SAMMSON: variants seen among roughly 807,000 people sequenced by gnomAD.
The protein encoded by SAMMSON is survival associated mitochondrial melanoma specific oncogenic non-coding RNA, also known as long intergenic non-protein coding RNA 1212.
intron 4 of SAMMSON, among the ~76,000 whole-genome samples, chr3:70,166,348 T>G (rs909558401): frequency 2.6e-5 from 4 of 152,042 alleles, no homozygotes; most frequent in African/African-American, 9.7e-5. Context: ...GCTTGCCTTC[T>G]CTAGGTTGAA....
chr3:70,049,483 C>T (rs572598387), intron 3 of SAMMSON, among the ~76,000 whole-genome samples: 3 of 152,246 alleles, frequency 2.0e-5, no homozygotes, highest in Admixed American at 2.0e-4. Context: ...TCAAACCTTG[C>T]CATTGCCATT....
intron 4 of SAMMSON, chr3:70,204,466 C>A (rs1701271925): frequency 6.6e-6 from 1 of 152,100 alleles, no homozygotes; most frequent in Admixed American, 6.6e-5. Flanking sequence ...GGCTTCTTTT[C>A]CTTTCTCTTT....
chr3:70,074,418 ATAGAG>A (rs1172177575), intron 4 of SAMMSON, among the ~76,000 whole-genome samples: 2 of 152,090 alleles, frequency 1.3e-5, no homozygotes, highest in East Asian at 1.9e-4. Flanking sequence ...ATGCACCCAT[ATAGAG>A]TAATGTGATA....
At chr3:70,187,585 A>G (rs930828857) in intron 4 of SAMMSON, among the ~76,000 whole-genome samples, 2 of 151,156 alleles carry the variant, frequency 1.3e-5, no homozygotes, top group East Asian at 3.9e-4. Flanking sequence ...CTACAGGCAC[A>G]CGCCACCATG....
intron 3 of SAMMSON, among the ~76,000 whole-genome samples, chr3:70,016,281 T>G (rs540585765): frequency 6.6e-6 from 1 of 152,078 alleles, no homozygotes; most frequent in Admixed American, 6.5e-5. Context: ...TGGAATCTCA[T>G]TGTGGTTTTG....
chr3:70,072,218 C>T (rs781284650), intron 4 of SAMMSON: 9 of 151,846 alleles, frequency 5.9e-5, no homozygotes, highest in Non-Finnish European at 8.8e-5. Context: ...TTTACTGAAA[C>T]TCCAAATCGA....
At chr3:70,260,297 C>T (rs908818364) in intron 6 of SAMMSON, among the ~76,000 whole-genome samples, 7 of 152,112 alleles carry the variant, frequency 4.6e-5, no homozygotes, top group African/African-American at 1.7e-4. Flanking sequence ...TCTGTGTCTT[C>T]CCATCGCCAC....
intron 6 of SAMMSON, among the ~76,000 whole-genome samples, chr3:70,284,359 G>C (rs1702119011): frequency 6.6e-6 from 1 of 152,106 alleles, no homozygotes; most frequent in South Asian, 2.1e-4. Flanking sequence ...GTTTGCATTT[G>C]AGTTTTCATA....
At chr3:70,277,027 A>T (rs1285435594) in intron 6 of SAMMSON, among the ~76,000 whole-genome samples, 5 of 151,980 alleles carry the variant, frequency 3.3e-5, no homozygotes, top group African/African-American at 1.2e-4. Context: ...TTAGCATGGC[A>T]TTCATGGATA....
At chr3:70,376,582 C>G (rs917485113) in intron 9 of SAMMSON, among the ~76,000 whole-genome samples, 1 of 152,060 alleles carries the variant, frequency 6.6e-6, no homozygotes, top group African/African-American at 2.4e-5. Flanking sequence ...GACTTTGGCA[C>G]AGAGCAAGAG....
rs145357235 is a variant in SAMMSON, at chr3:70,372,073, A to G, written n.913+13749A>G. On this transcript the variant is annotated intron_variant and non_coding_transcript_variant, in intron 9 of 9. Transcript: ENST00000642114. ...TGTTGCATTTCATAAAATGCTTTTT[A>G]TGTGTCTATTGAGAATCATCAGAAA... 3.4e-3 allele frequency among the ~76,000 whole-genome samples: 521 copies of G among 152,112 alleles called. 3 individuals carry two copies. The highest frequency in any genetic ancestry group is 0.012 in the African/African-American group (492 of 41,516).
chr3:70,063,243 CT>C (rs2067197026), intron 3 of SAMMSON, among the ~76,000 whole-genome samples: 1 of 152,110 alleles, frequency 6.6e-6, no homozygotes, highest in Admixed American at 6.6e-5. Flanking sequence ...AACAGATTAA[CT>C]TTTGTATAAT....
chr3:70,232,858 A>G (rs1701573741), intron 4 of SAMMSON, among the ~76,000 whole-genome samples: 2 of 152,120 alleles, frequency 1.3e-5, no homozygotes, highest in African/African-American at 4.8e-5. Flanking sequence ...AAGGAAAAAA[A>G]TCTTGCCATT....
chr3:70,063,362 G>T (rs1301152064), intron 3 of SAMMSON, among the ~76,000 whole-genome samples: 1 of 151,990 alleles, frequency 6.6e-6, no homozygotes, highest in East Asian at 1.9e-4. Flanking sequence ...CATTTCCTGT[G>T]ATGCCTTCTG....
At chr3:70,289,776 T>C (rs1702211863) in intron 6 of SAMMSON, among the ~76,000 whole-genome samples, 3 of 152,250 alleles carry the variant, frequency 2.0e-5, no homozygotes, top group Admixed American at 6.5e-5. Context: ...TTCTTTTTTC[T>C]CTAAACTTTC....
At chr3:70,284,068 T>A (rs1702116507) in intron 6 of SAMMSON, among the ~76,000 whole-genome samples, 1 of 152,126 alleles carries the variant, frequency 6.6e-6, no homozygotes, top group Non-Finnish European at 1.5e-5. Flanking sequence ...ATGAACTTGG[T>A]TTTAAACCTC....
chr3:70,283,366 G>A (rs1702107895), intron 6 of SAMMSON, among the ~76,000 whole-genome samples: 1 of 152,082 alleles, frequency 6.6e-6, no homozygotes, highest in African/African-American at 2.4e-5. Flanking sequence ...CTGGACTTTG[G>A]AGAACCTGAA....
In SAMMSON at chr3:70,107,600, AG is replaced by A. The variant is rs1248349695; in HGVS notation, n.507+36036del. Among the ~76,000 whole-genome samples the A allele has an allele frequency of 2.6e-5, 3 of 114,164 alleles. No individual in the cohort carries two copies. In the South Asian group the frequency reaches 1.3e-3, roughly 50 times the overall value. The allele number at this position is 114,164 out of a possible 152,430, so 74.9% of individuals were successfully genotyped here. ...GTTCTACTTTCCGAATTTCTTCCTT[AG>A]TTTTTTTTTTTTTTTTAATTTGAAT... is the stretch of plus-strand genomic sequence containing the variant. On this transcript the variant is annotated intron_variant and non_coding_transcript_variant, in intron 4 of 9. Transcript: ENST00000642114.
intron 2 of SAMMSON, among the ~76,000 whole-genome samples, chr3:70,409,822 T>A (rs972273621): frequency 2.9e-4 from 44 of 152,200 alleles, no homozygotes; most frequent in Admixed American, 2.2e-3. Flanking sequence ...TGTATTTTTT[T>A]AAAAATAATT....
Sources: gnomAD v4.1 joint callset for allele counts (sites outside exome capture counted in the v4.1 genomes callset) on GRCh38, gnomAD v4.1.1 for gene constraint, MANE v1.5 for transcripts, NCBI Gene and HGNC (gene_info 2026-07-23, HGNC 2026-07-21) for gene names.